Variants in LRP1B observed in about 807,000 individuals in gnomAD.
LRP1B encodes the protein LDL receptor related protein 1B.
Under a neutral mutation model 556.6 loss-of-function variants are expected in LRP1B, and 217 were observed. That is an observed-to-expected ratio of 0.39 (90% confidence interval 0.35 to 0.44). The LOEUF is 0.44. Ranked by LOEUF, LRP1B falls within the 20% of genes least tolerant of loss-of-function variation. The probability of loss-of-function intolerance (pLI) is 1.00; values close to 1 mark genes in which losing one functional copy is unlikely to be tolerated. For missense variants in LRP1B, 5,053 were observed against 5,620.8 expected (o/e 0.90, Z 3.23); for synonymous variants, 2,047 against 1,865.8 (o/e 1.10, Z -2.50).
At chr2:142,032,522 G>A (rs1172274481) in intron 1 of LRP1B, among the ~76,000 whole-genome samples, 1 of 151,526 alleles carries the variant, frequency 6.6e-6, no homozygotes, top group East Asian at 2.0e-4. Context: ...TCTTACCTAC[G>A]GAACTTATTA....
intron 67 of LRP1B, 49 bp from the exon 68 acceptor site, chr2:140,378,335 T>C (rs772033358): frequency 1.0e-6 from 1 of 1,000,272 alleles, no homozygotes; most frequent in Non-Finnish European, 1.6e-6. Context: ...TGTAAGTGCA[T>C]TGTAAAATTT....
intron 1 of LRP1B, among the ~76,000 whole-genome samples, chr2:141,946,241 T>C (rs2105024694): frequency 6.6e-6 from 1 of 152,276 alleles, no homozygotes; most frequent in African/African-American, 2.4e-5. Context: ...TCTGGGTGTT[T>C]CTTCCACTAT....
intron 3 of LRP1B, among the ~76,000 whole-genome samples, chr2:141,317,123 A>ACACTAAG (rs1462476712): frequency 1.3e-5 from 2 of 152,218 alleles, no homozygotes; most frequent in Admixed American, 6.5e-5. Flanking sequence ...TGAGGTTGCC[A>ACACTAAG]CACTAAGCAC....
At chr2:141,819,511 C>T (rs1041690395) in intron 1 of LRP1B, among the ~76,000 whole-genome samples, 3 of 152,056 alleles carry the variant, frequency 2.0e-5, no homozygotes, top group East Asian at 1.9e-4. Context: ...TCTTAAACAT[C>T]GCATGTTCTC....
At chr2:141,727,368 G>C (rs1693077973) in intron 2 of LRP1B, among the ~76,000 whole-genome samples, 1 of 152,136 alleles carries the variant, frequency 6.6e-6, no homozygotes, top group Non-Finnish European at 1.5e-5. Context: ...TACCTGGAAT[G>C]CTTTCCTTAC....
intron 47 of LRP1B, among the ~76,000 whole-genome samples, chr2:140,532,897 T>C (rs1020797204): frequency 6.7e-6 from 1 of 150,102 alleles, no homozygotes; most frequent in East Asian, 1.9e-4. Flanking sequence ...AAAAGACATA[T>C]GGGTGTTCTT....
At chr2:141,339,505 C>A (rs1271024750) in intron 3 of LRP1B, among the ~76,000 whole-genome samples, 2 of 152,110 alleles carry the variant, frequency 1.3e-5, no homozygotes, top group Non-Finnish European at 2.9e-5. Flanking sequence ...TCCCTCATTA[C>A]CTCAGTTTTC....
At chr2:141,862,933 A>G (rs1314770993) in intron 1 of LRP1B, among the ~76,000 whole-genome samples, 1 of 152,198 alleles carries the variant, frequency 6.6e-6, no homozygotes, top group Non-Finnish European at 1.5e-5. Context: ...CATTATCACC[A>G]TAATAAGCTC....
In LRP1B at chr2:141,179,468, G is replaced by A. The variant is rs567520304; in HGVS notation, c.1013+8953C>T. Among the ~76,000 whole-genome samples the A allele has an allele frequency of 7.2e-5, 11 of 151,938 alleles. No individual in the cohort carries two copies. The East Asian group carries it at 9.7e-4, about 13-fold the overall frequency. ...TATTCAATCATTATGAAGATCAATC[G>A]CAATGGCAAAAATAGTTTTGTTTTT... On this transcript the variant is annotated intron_variant, in intron 7 of 90. Transcript: ENST00000389484.
chr2:140,268,060 C>A (rs1442428637), intron 86 of LRP1B, among the ~76,000 whole-genome samples: 1 of 151,702 alleles, frequency 6.6e-6, no homozygotes. Flanking sequence ...AAAGGTGGGC[C>A]TGAAATGGAT....
At chr2:141,656,122 C>G (rs1021480686) in intron 2 of LRP1B, among the ~76,000 whole-genome samples, 2 of 152,164 alleles carry the variant, frequency 1.3e-5, no homozygotes, top group Non-Finnish European at 2.9e-5. Flanking sequence ...TAGTACAGAA[C>G]TGAGCCAGGA....
intron 11 of LRP1B, among the ~76,000 whole-genome samples, chr2:141,041,555 T>C (rs757973258): frequency 4.6e-5 from 7 of 152,082 alleles, no homozygotes; most frequent in Non-Finnish European, 8.8e-5. Context: ...AATTTCCTTG[T>C]GATTACATTT....
intron 43 of LRP1B, among the ~76,000 whole-genome samples, chr2:140,578,188 C>A (rs1681610320): frequency 6.6e-6 from 1 of 152,186 alleles, no homozygotes; most frequent in Middle Eastern, 3.4e-3. Flanking sequence ...CACCATTTGA[C>A]AAATCCTAAT....
chr2:141,047,705 T>C (rs1216960539), intron 11 of LRP1B, among the ~76,000 whole-genome samples: 1 of 152,132 alleles, frequency 6.6e-6, no homozygotes, highest in Non-Finnish European at 1.5e-5. Flanking sequence ...GCCTTTCACT[T>C]TCGACTCTCT....
chr2:141,611,135 T>C (rs1688095717), intron 2 of LRP1B, among the ~76,000 whole-genome samples: 1 of 152,180 alleles, frequency 6.6e-6, no homozygotes, highest in Non-Finnish European at 1.5e-5. Flanking sequence ...ACAGTCCACA[T>C]AGAATAATGA....
At chr2:141,520,364 A>G (rs1352007988) in intron 2 of LRP1B, among the ~76,000 whole-genome samples, 1 of 152,182 alleles carries the variant, frequency 6.6e-6, no homozygotes, top group Non-Finnish European at 1.5e-5. Context: ...GTAAAACAAA[A>G]GGCCCTGACT....
rs1256445688 is a variant in LRP1B at position 141,484,264 on chromosome 2, G to C, written c.206-3731C>G. On this transcript the variant is annotated intron_variant, in intron 2 of 90. Transcript: ENST00000389484. ...TTTTTGTCAGGTTTGTCAAAGATCAGATAGTTGTAGATATGTGGCATTATT... is the reference window on the plus strand; with the variant it reads ...TTTTTGTCAGGTTTGTCAAAGATCACATAGTTGTAGATATGTGGCATTATT... 1.3e-4 allele frequency among the ~76,000 whole-genome samples: 20 copies of C among 148,274 alleles called. No individual in the cohort carries two copies. The Admixed American group carries it at 1.4e-3, about 10-fold the overall frequency.
intron 77 of LRP1B, among the ~76,000 whole-genome samples, chr2:140,343,232 TTTA>T (rs546215762): frequency 2.9e-4 from 44 of 151,604 alleles, no homozygotes; most frequent in Non-Finnish European, 4.9e-4. Context: ...TTGGCAAAAG[TTTA>T]TTAGTATTTT....
At chr2:141,723,035 G>T (rs1692894221) in intron 2 of LRP1B, among the ~76,000 whole-genome samples, 1 of 151,408 alleles carries the variant, frequency 6.6e-6, no homozygotes. Context: ...TTGCCTACTT[G>T]CATTTTATTT....
Sources: allele counts gnomAD v4.1 joint callset (sites outside exome capture counted in the v4.1 genomes callset), GRCh38; gene constraint gnomAD v4.1.1; transcripts MANE v1.5; gene names NCBI Gene and HGNC (gene_info 2026-07-23, HGNC 2026-07-21).